PLSCR4: variants seen among roughly 807,000 people sequenced by gnomAD.
PLSCR4 encodes the protein Ca(2+)-dependent phospholipid scramblase 4.
In PLSCR4, 25 loss-of-function variants were observed where a neutral mutation model predicts 36.3. The ratio of observed to expected loss-of-function variants is 0.69; its 90% CI spans 0.50 to 0.96. The LOEUF (loss-of-function observed/expected upper bound fraction) is 0.96, where lower values mean the gene tolerates loss of function less well. Among genes scored for constraint, PLSCR4 ranks in the 40% least tolerant of loss-of-function variants. The probability of loss-of-function intolerance (pLI) is 0.00; values close to 1 mark genes in which losing one functional copy is unlikely to be tolerated. For missense variants in PLSCR4, 408 were observed against 414.7 expected, an observed-to-expected ratio of 0.98 and a Z score of 0.14; for synonymous variants, 122 against 132.9, an observed-to-expected ratio of 0.92 and a Z score of 0.56.
chr3:146,197,362 A>G (rs1170048591), intron 6 of PLSCR4, among the ~76,000 whole-genome samples: 1 of 152,152 alleles, frequency 6.6e-6, no homozygotes, highest in Non-Finnish European at 1.5e-5. Context: ...AGGGGAACCT[A>G]CACACTTATG....
intron 1 of PLSCR4, among the ~76,000 whole-genome samples, chr3:146,242,200 T>A (rs1340964315): frequency 6.6e-6 from 1 of 152,186 alleles, no homozygotes; most frequent in East Asian, 1.9e-4. Flanking sequence ...CCCATGTTGC[T>A]CGGTGGAGCT....
At chr3:146,225,230 A>G (rs1316203683) in intron 1 of PLSCR4, among the ~76,000 whole-genome samples, 3 of 151,676 alleles carry the variant, frequency 2.0e-5, no homozygotes, top group Admixed American at 2.0e-4. Flanking sequence ...CCACCAGAGC[A>G]GCTAGTTACA....
At chr3:146,247,488 A>G (rs556340186) in intron 1 of PLSCR4, among the ~76,000 whole-genome samples, 1 of 152,008 alleles carries the variant, frequency 6.6e-6, no homozygotes, top group South Asian at 2.1e-4. Context: ...TTGCAACTCT[A>G]TTTCTGTGAA....
In PLSCR4 at chr3:146,201,538, G is replaced by A. The variant is rs568998729; in HGVS notation, c.355-461C>T. 3.3e-5 allele frequency among the ~76,000 whole-genome samples: 5 copies of A among 152,208 alleles called. No individual in the cohort carries two copies. In the East Asian group the frequency reaches 5.8e-4, roughly 18 times the overall value. Reference sequence around the variant, plus strand: ...GCTTAAGGAGAACAAACAAGCCAGGGTGAACCTCACATGGAGTGTCCCCAT... The same window carrying A: ...GCTTAAGGAGAACAAACAAGCCAGGATGAACCTCACATGGAGTGTCCCCAT... On this transcript the variant is annotated intron_variant, in intron 4 of 8. Transcript: ENST00000354952.
chr3:146,223,082 G>C (rs868821343), intron 1 of PLSCR4, among the ~76,000 whole-genome samples: 3 of 116,270 alleles, frequency 2.6e-5, no homozygotes, highest in Admixed American at 1.8e-4. Flanking sequence ...GGTAAGAATT[G>C]AAAGTTTAGA....
At chr3:146,234,808 C>T (rs899637211) in intron 1 of PLSCR4, among the ~76,000 whole-genome samples, 7 of 152,102 alleles carry the variant, frequency 4.6e-5, no homozygotes, top group African/African-American at 1.2e-4. Flanking sequence ...CTGATCCTAA[C>T]AAAGACTTTA....
rs1306216484 is a variant in PLSCR4 at position 146,206,661 on chromosome 3, C to A, written c.219G>T (p.Gln73His). The A allele has an allele frequency of 6.2e-7, 1 of 1,613,358 alleles. No individual in the cohort carries two copies. Among genetic ancestry groups the A allele is most frequent in the Non-Finnish European group, 8.5e-7 (1 of 1,179,640 alleles). ...GGACAGGATGGATACCACCAACTGG[C>A]TGGTACAAAGGGAAGGTACTGGGTT... ...PQQPSTFPLY[Q>H]PVGGIHPVRY... Residue 73 changes from glutamine (Q) to histidine (H), a missense_variant, in exon 4 of 9, where the codon CAG becomes CAT. By Grantham distance (24) the Gln-to-His change is conservative. Coordinates refer to ENST00000354952, the MANE Select transcript of PLSCR4 (RefSeq NM_020353.3).
At chr3:146,237,589 C>T (rs1056951795) in intron 1 of PLSCR4, among the ~76,000 whole-genome samples, 2 of 151,650 alleles carry the variant, frequency 1.3e-5, no homozygotes, top group Admixed American at 6.6e-5. Flanking sequence ...TGAGGAAATT[C>T]AAAATATGTG....
intron 3 of PLSCR4, among the ~76,000 whole-genome samples, chr3:146,209,495 T>G (rs2034512470): frequency 6.6e-6 from 1 of 152,128 alleles, no homozygotes. Context: ...AGGAATTTTT[T>G]TATCAAGGTC....
At chr3:146,242,138 A>G (rs1424881334) in intron 1 of PLSCR4, among the ~76,000 whole-genome samples, 2 of 152,144 alleles carry the variant, frequency 1.3e-5, no homozygotes, top group Non-Finnish European at 2.9e-5. Context: ...GCTGGATCCA[A>G]TCAACTGATT....
intron 2 of PLSCR4, among the ~76,000 whole-genome samples, 172 bp downstream of exon 2, chr3:146,221,893 T>C (rs1297091334): frequency 1.3e-5 from 2 of 151,946 alleles, no homozygotes; most frequent in African/African-American, 4.8e-5. Context: ...AATGTCTATA[T>C]ACATAAATAA....
intron 1 of PLSCR4, among the ~76,000 whole-genome samples, chr3:146,227,735 T>C (rs973968866): frequency 4.6e-5 from 7 of 152,144 alleles, no homozygotes; most frequent in African/African-American, 2.4e-5. Context: ...AAACTCTGGG[T>C]CCTGTCTGTC....
rs2033659133 is a variant in PLSCR4 at position 146,195,184 on chromosome 3, G to A, written c.885C>T (p.His295=). 2 of 1,613,854 alleles carry A rather than the reference G, an allele frequency of 1.2e-6. No homozygotes were observed. The highest frequency in any genetic ancestry group is 1.7e-6 in the Non-Finnish European group (2 of 1,179,782). ...TCTTCACATCCAGGTCTAGTGGGAAGTGAATGTCAAAATGGTCAGCATCTG... is the reference window on the plus strand; with the variant it reads ...TCTTCACATCCAGGTCTAGTGGGAAATGAATGTCAAAATGGTCAGCATCTG... ...AMADADHFDI[H]FPLDLDVKMK... Residue 295 remains histidine (H), a synonymous_variant, in exon 8 of 9, where the codon CAC becomes CAT. Transcript: ENST00000354952.
At chr3:146,224,060 T>C (rs1246490568) in intron 1 of PLSCR4, among the ~76,000 whole-genome samples, 1 of 151,756 alleles carries the variant, frequency 6.6e-6, no homozygotes, top group African/African-American at 2.4e-5. Flanking sequence ...TCCTTAATGA[T>C]GGTAATCCCT....
At chr3:146,220,493 C>T (rs930789343) in intron 3 of PLSCR4, among the ~76,000 whole-genome samples, 6 of 152,148 alleles carry the variant, frequency 3.9e-5, no homozygotes, top group Non-Finnish European at 7.3e-5. Context: ...CAAAACTTGA[C>T]CTCCTTAGTC....
At chr3:146,200,284 A>G (rs970780818) in intron 5 of PLSCR4, among the ~76,000 whole-genome samples, 1 of 152,106 alleles carries the variant, frequency 6.6e-6, no homozygotes, top group Non-Finnish European at 1.5e-5. Context: ...ACATAAAAGA[A>G]AAGATTGAAA....
intron 1 of PLSCR4, among the ~76,000 whole-genome samples, chr3:146,237,023 C>T (rs2035946644): frequency 6.6e-6 from 1 of 151,496 alleles, no homozygotes; most frequent in South Asian, 2.1e-4. Context: ...AAGGTAGAGA[C>T]TGGCAGAATG....
At chr3:146,233,106 G>C (rs2035783931) in intron 1 of PLSCR4, among the ~76,000 whole-genome samples, 1 of 151,988 alleles carries the variant, frequency 6.6e-6, no homozygotes, top group Non-Finnish European at 1.5e-5. Context: ...TTTATCATTA[G>C]TGAATTTACA....
At position 146,195,218 on chromosome 3, in the gene PLSCR4, GATAACAA is replaced by G; in HGVS notation, c.844_850del (p.Leu282GlnfsTer15). 1 of 1,613,364 alleles carries G rather than the reference GATAACAA, an allele frequency of 6.2e-7. No individual in the cohort carries two copies. Among genetic ancestry groups the G allele is most frequent in the Admixed American group, 1.7e-5 (1 of 60,006 alleles). The stretch of plus-strand genomic sequence containing the variant: ...AAAATGGTCAGCATCTGCCATTGCT[GATAACAA>G]ACCATTCCACTTCCGGATAATACTG... On this transcript the variant is annotated frameshift_variant, in exon 8 of 9. Coordinates refer to ENST00000354952, the MANE Select transcript of PLSCR4 (RefSeq NM_020353.3). LOFTEE classifies it high-confidence loss of function.
Sources: allele counts gnomAD v4.1 joint callset (sites outside exome capture counted in the v4.1 genomes callset), GRCh38; gene constraint gnomAD v4.1.1; transcripts MANE v1.5; gene names NCBI Gene and HGNC (gene_info 2026-07-23, HGNC 2026-07-21).